The following RPE65 variants were observed in gnomAD, a reference collection of about 807,000 sequenced individuals.
RPE65 encodes the protein retinoid isomerohydrolase.
RPE65 carries 58 observed loss-of-function variants against 68.5 expected under a neutral mutation model. That is an observed-to-expected ratio of 0.85 (90% CI 0.69 to 1.05). The LOEUF is 1.05. RPE65 is among the 50% of genes least tolerant of loss of function. The pLI is 0.00. For synonymous variants in RPE65, 220 were observed against 222.2 expected (o/e 0.99, Z 0.09); for missense variants, 643 against 629.9 (o/e 1.02, Z -0.22).
In RPE65 at chr1:68,433,750, AG is replaced by A. The variant is rs572113244; in HGVS notation, c.1129-2166del. On this transcript the variant is annotated intron_variant, in intron 10 of 13. Transcript: ENST00000262340. The stretch of plus-strand genomic sequence containing the variant: ...TTGTCTGCACTTAGTTCAGCCTCAG[AG>A]GTATAAGCATGGAGGGGGTGGAGAG... Among the ~76,000 whole-genome samples, 162 of 152,256 alleles carry A rather than the reference AG, an allele frequency of 1.1e-3. 1 individual carries two copies. The highest frequency in any genetic ancestry group is 3.9e-3 in the African/African-American group (161 of 41,550).
rs2100808030 is a variant in RPE65 at position 68,431,556 on chromosome 1, G to A, written c.1158C>T (p.Leu386=). The change falls in exon 11 of 14, where the codon CTC becomes CTT. Residue 386 remains leucine, a synonymous_variant. Coordinates refer to ENST00000262340, the MANE Select transcript of RPE65 (RefSeq NM_000329.3). The stretch of plus-strand genomic sequence containing the variant: ...GAATTGCAGTGGCAGTTGTATTGGG[G>A]AGCGTGACTAAATTCTTGCCTGTGT... ...KADTGKNLVT[L]PNTTATAILC... The A allele has an allele frequency of 1.2e-6, 2 of 1,613,884 alleles. No individual in the cohort carries two copies. Among genetic ancestry groups the A allele is most frequent in the Non-Finnish European group, 1.7e-6 (2 of 1,179,880 alleles).
intron 10 of RPE65, among the ~76,000 whole-genome samples, chr1:68,436,715 G>A (rs3125900): frequency 0.3 from 45,026 of 151,690 alleles, 6,991 homozygotes; most frequent in East Asian, 0.53. Flanking sequence ...TGATGCACCC[G>A]CCTCGGCCTC....
At position 68,438,814 on chromosome 1, in the gene RPE65, C is replaced by G; in HGVS notation, c.998+128G>C. The G allele has an allele frequency of 2.5e-6, 3 of 1,192,520 alleles. No individual in the cohort carries two copies. The South Asian group carries it at 3.7e-5, about 15-fold the overall frequency. 73.9% of individuals were successfully genotyped at this position (1,192,520 alleles called of 1,614,324 possible). A position where few individuals can be genotyped will look rare whatever the true frequency, so the allele number is the denominator to read the frequency against. ...AAACTTCCTACTGCTTTTCCAATTA[C>G]ATTTTTGACTCTCACATAACTCTTG... On this transcript the variant is annotated intron_variant, in intron 9 of 13. Transcript: ENST00000262340.
intron 10 of RPE65, among the ~76,000 whole-genome samples, chr1:68,434,111 T>C (rs998773967): frequency 1.6e-3 from 229 of 142,636 alleles, no homozygotes; most frequent in East Asian, 5.1e-3. Context: ...TATATATATA[T>C]ATATACACAC....
At chr1:68,446,588 T>G in intron 3 of RPE65, 122 bp downstream of exon 3, 1 of 1,086,824 alleles carries the variant, frequency 9.2e-7, no homozygotes, top group South Asian at 1.3e-5. Context: ...CCCAGGTACA[T>G]TGTGAGAAGA....
At position 68,429,590 on chromosome 1, in the gene RPE65, C is replaced by CTT; in HGVS notation, c.*184_*185dup. 2 of 579,480 alleles carry CTT rather than the reference C, an allele frequency of 3.5e-6. No homozygotes were observed. Among genetic ancestry groups the CTT allele is most frequent in the Non-Finnish European group, 5.9e-6 (2 of 336,944 alleles). The allele number at this position is 579,480 out of a possible 1,614,324, so 35.9% of individuals were successfully genotyped here. On this transcript the variant is annotated 3_prime_UTR_variant, in exon 14 of 14. Transcript: ENST00000262340. ...GGAAGTATGATTATCTAAATACGTA[C>CTT]TTTTTTTTTTAAATAAAGGAATTGC...
intron 5 of RPE65, 152 bp downstream of exon 5, chr1:68,444,379 C>CA: frequency 3.2e-6 from 3 of 938,940 alleles, no homozygotes; most frequent in Non-Finnish European, 5.0e-6. Flanking sequence ...TAGACAGAGG[C>CA]AATCAGTGCA....
chr1:68,432,881 GAGAAGTGGA>G (rs1645836742), intron 10 of RPE65, among the ~76,000 whole-genome samples: 1 of 152,196 alleles, frequency 6.6e-6, no homozygotes, highest in African/African-American at 2.4e-5. Context: ...TGCAGTCAGT[GAGAAGTGGA>G]AGAAGTGGAG....
Position 68,439,266 on chromosome 1 carries a change from C to T in RPE65, c.783G>A (p.Leu261=). The T allele has an allele frequency of 6.2e-7, 1 of 1,613,958 alleles. No individual in the cohort carries two copies. The highest frequency in any genetic ancestry group is 8.5e-7 in the Non-Finnish European group (1 of 1,179,954). ...VFVETPVKIN[L]FKFLSSWSLW... ...GACTCCATGAAGAAAGGAACTTGAA[C>T]AGGTTAATTTTGACTGGTGTCTCCA... is the stretch of plus-strand genomic sequence containing the variant. Residue 261 remains leucine (L), a synonymous_variant, in exon 8 of 14, where the codon CTG becomes CTA. Coordinates refer to ENST00000262340, the MANE Select transcript of RPE65 (RefSeq NM_000329.3).
intron 1 of RPE65, among the ~76,000 whole-genome samples, chr1:68,449,409 G>A (rs1201670476): frequency 6.6e-6 from 1 of 152,024 alleles, no homozygotes. Flanking sequence ...TTCAAAGAGT[G>A]GAATCTCTGA....
At position 68,439,234 on chromosome 1, in the gene RPE65, C is replaced by T; in HGVS notation, c.815G>A (p.Gly272Glu). ...CTCAAAACAATCCATGTAGTTGGCT[C>T]CCCAAAGACTCCATGAAGAAAGGAA... is the stretch of plus-strand genomic sequence containing the variant. ...FKFLSSWSLW[G>E]ANYMDCFESN... Residue 272 changes from glycine to glutamate, a missense_variant, in exon 8 of 14, where the codon GGA becomes GAA. Transcript: ENST00000262340. 2 of 1,614,052 alleles carry T rather than the reference C, an allele frequency of 1.2e-6. No individual in the cohort carries two copies. Among genetic ancestry groups the T allele is most frequent in the South Asian group, 1.1e-5 (1 of 91,074 alleles).
At chr1:68,445,797 T>G (rs1419480960) in intron 3 of RPE65, among the ~76,000 whole-genome samples, 1 of 152,098 alleles carries the variant, frequency 6.6e-6, no homozygotes, top group Non-Finnish European at 1.5e-5. Flanking sequence ...ATTACAGATG[T>G]GAGCCACCCA....
chr1:68,449,786 T>C, intron 1 of RPE65, 109 bp downstream of exon 1: 1 of 1,327,574 alleles, frequency 7.5e-7, no homozygotes, highest in East Asian at 2.3e-5. Flanking sequence ...TTCAAGGGTC[T>C]TTCCTAAACA....
chr1:68,434,091 G>GATATATATATATATATAT (rs56401732), intron 10 of RPE65, among the ~76,000 whole-genome samples: 11 of 138,580 alleles, frequency 7.9e-5, no homozygotes, highest in African/African-American at 3.0e-4. Flanking sequence ...GGGCATGAGG[G>GATATATATATATATATAT]ATATATATAT....
At chr1:68,446,277 TTAA>T in intron 3 of RPE65, among the ~76,000 whole-genome samples, 1 of 152,272 alleles carries the variant, frequency 6.6e-6, no homozygotes, top group East Asian at 1.9e-4. Context: ...GGCCAATGGT[TTAA>T]TAATAATAAC....
intron 10 of RPE65, 129 bp from the exon 11 acceptor site, chr1:68,431,714 T>C (rs1389441830): frequency 1.3e-6 from 1 of 773,622 alleles, no homozygotes; most frequent in African/African-American, 1.7e-5. Flanking sequence ...TGCAGGAAGC[T>C]ATAGATGAGG....
At chr1:68,441,098 T>C (rs1274589735) in intron 5 of RPE65, 98 bp from the exon 6 acceptor site, 2 of 1,378,178 alleles carry the variant, frequency 1.5e-6, no homozygotes, top group South Asian at 1.3e-5. Context: ...TGAACTCTCA[T>C]CCTAAGTGCA....
At chr1:68,437,429 G>GT (rs1645869468) in intron 10 of RPE65, among the ~76,000 whole-genome samples, 1 of 152,176 alleles carries the variant, frequency 6.6e-6, no homozygotes, top group Non-Finnish European at 1.5e-5. Flanking sequence ...GAGCAGTGGT[G>GT]TTTGGTTCTA....
intron 1 of RPE65, among the ~76,000 whole-genome samples, chr1:68,448,954 A>T (rs749374063): frequency 6.6e-6 from 1 of 152,018 alleles, no homozygotes; most frequent in East Asian, 1.9e-4. Context: ...CACTGCTCTG[A>T]TGTCAAGAGA....
Sources: gnomAD v4.1 joint callset for allele counts (sites outside exome capture counted in the v4.1 genomes callset) on GRCh38, gnomAD v4.1.1 for gene constraint, MANE v1.5 for transcripts, NCBI Gene and HGNC (gene_info 2026-07-23, HGNC 2026-07-21) for gene names.